DMRT1: variants seen among roughly 807,000 people sequenced by gnomAD.
DMRT1 encodes the protein doublesex- and mab-3-related transcription factor 1.
In DMRT1, 7 loss-of-function variants were observed where a neutral mutation model predicts 32.3. The observed-to-expected ratio is 0.22, with a 90% confidence interval of 0.12 to 0.41. DMRT1 has a LOEUF of 0.41. Among genes scored for constraint, DMRT1 ranks in the 10% least tolerant of loss-of-function variants. DMRT1 has a pLI of 1.00. For synonymous variants in DMRT1, 278 were observed against 206.1 expected, an observed-to-expected ratio of 1.35 and a Z score of -2.99; for missense variants, 625 against 500.5, an observed-to-expected ratio of 1.25 and a Z score of -2.37.
At chr9:871,003 C>G (rs1310945224) in intron 2 of DMRT1, among the ~76,000 whole-genome samples, 1 of 151,696 alleles carries the variant, frequency 6.6e-6, no homozygotes, top group Non-Finnish European at 1.5e-5. Context: ...CCATTGTGCC[C>G]ATACATTCAA....
At chr9:932,918 C>CT (rs796689473) in intron 4 of DMRT1, among the ~76,000 whole-genome samples, 2,278 of 145,124 alleles carry the variant, frequency 0.016, 55 homozygotes, top group African/African-American at 0.053. Flanking sequence ...TCCAAGCTTT[C>CT]TTTTTTTTTT....
chr9:912,976 C>A (rs1818041416), intron 3 of DMRT1, among the ~76,000 whole-genome samples: 1 of 152,102 alleles, frequency 6.6e-6, no homozygotes, highest in Non-Finnish European at 1.5e-5. Flanking sequence ...TGGAACACAG[C>A]CATGCCCATT....
intron 3 of DMRT1, among the ~76,000 whole-genome samples, chr9:902,793 G>C (rs10739177): frequency 0.88 from 133,599 of 152,032 alleles, 59,076 homozygotes; most frequent in African/African-American, 0.97. Context: ...CCAGCTTTCC[G>C]CTCCTTTTTA....
chr9:844,314 G>A (rs990793043), intron 1 of DMRT1, among the ~76,000 whole-genome samples: 2 of 152,054 alleles, frequency 1.3e-5, no homozygotes, highest in African/African-American at 2.4e-5. Context: ...TTGATCTTAC[G>A]TATGATTCTA....
At chr9:866,194 G>C (rs80294942) in intron 2 of DMRT1, among the ~76,000 whole-genome samples, 1 of 141,648 alleles carries the variant, frequency 7.1e-6, no homozygotes, top group African/African-American at 2.6e-5. Context: ...AAAGACAGTG[G>C]TGGGTGTTTT....
At chr9:964,412 C>T (rs1004073620) in intron 4 of DMRT1, among the ~76,000 whole-genome samples, 2 of 152,020 alleles carry the variant, frequency 1.3e-5, no homozygotes, top group African/African-American at 4.8e-5. Context: ...AAAACAGATA[C>T]TAGATTTGCT....
intron 4 of DMRT1, among the ~76,000 whole-genome samples, chr9:927,307 T>G (rs1818559359): frequency 6.6e-6 from 1 of 152,238 alleles, no homozygotes; most frequent in African/African-American, 2.4e-5. Flanking sequence ...TCATGCATCT[T>G]TCACCATTCA....
At chr9:894,794 T>TG (rs1394977963) in intron 3 of DMRT1, 2 of 158,906 alleles carry the variant, frequency 1.3e-5, no homozygotes, top group East Asian at 1.8e-4. Context: ...CAAGTTTGTT[T>TG]TTTTTTTTGT....
chr9:956,619 A>G (rs998565192), intron 4 of DMRT1, among the ~76,000 whole-genome samples: 7 of 152,176 alleles, frequency 4.6e-5, no homozygotes, highest in Admixed American at 4.6e-4. Flanking sequence ...CATACAGACA[A>G]TTTTTAAATG....
chr9:954,828 G>C (rs576156007), intron 4 of DMRT1, among the ~76,000 whole-genome samples: 1 of 152,140 alleles, frequency 6.6e-6, no homozygotes, highest in African/African-American at 2.4e-5. Context: ...TTTTAGTAGA[G>C]ACAGGGTTTC....
At chr9:936,594 A>T (rs1458624012) in intron 4 of DMRT1, among the ~76,000 whole-genome samples, 3 of 152,146 alleles carry the variant, frequency 2.0e-5, no homozygotes, top group Non-Finnish European at 4.4e-5. Context: ...TCTACTAAAA[A>T]TACAAAGAAT....
chr9:880,739 A>AAG (rs1816700011), intron 2 of DMRT1, among the ~76,000 whole-genome samples: 1 of 149,110 alleles, frequency 6.7e-6, no homozygotes, highest in African/African-American at 2.5e-5. Flanking sequence ...AAAAAAAAAA[A>AAG]AAAAGAAAAG....
intron 4 of DMRT1, among the ~76,000 whole-genome samples, chr9:934,608 T>C (rs1195221662): frequency 6.6e-6 from 1 of 152,246 alleles, no homozygotes; most frequent in Non-Finnish European, 1.5e-5. Flanking sequence ...AAGCATTTTA[T>C]AGTTTTTTAG....
At chr9:852,001 G>A (rs971008440) in intron 2 of DMRT1, among the ~76,000 whole-genome samples, 3 of 150,152 alleles carry the variant, frequency 2.0e-5, no homozygotes, top group Non-Finnish European at 4.4e-5. Context: ...GTGCTGTGGC[G>A]CGATCCCAGC....
At chr9:888,781 G>A (rs1817030657) in intron 2 of DMRT1, among the ~76,000 whole-genome samples, 1 of 143,628 alleles carries the variant, frequency 7.0e-6, no homozygotes, top group South Asian at 2.2e-4. Flanking sequence ...GTGTGGAGCA[G>A]TTGCTTTGAA....
At chr9:885,197 C>G (rs1029127391) in intron 2 of DMRT1, among the ~76,000 whole-genome samples, 2 of 152,098 alleles carry the variant, frequency 1.3e-5, no homozygotes, top group Non-Finnish European at 2.9e-5. Flanking sequence ...AGCTGAAGCC[C>G]CAGTGGGTGT....
intron 3 of DMRT1, among the ~76,000 whole-genome samples, chr9:905,813 G>A (rs1012478018): frequency 2.0e-5 from 3 of 152,122 alleles, no homozygotes; most frequent in African/African-American, 7.2e-5. Flanking sequence ...AGGAAACTGG[G>A]GCTCAGGGAG....
At chr9:876,629 C>G (rs1181048983) in intron 2 of DMRT1, among the ~76,000 whole-genome samples, 3 of 151,796 alleles carry the variant, frequency 2.0e-5, no homozygotes, top group Non-Finnish European at 4.4e-5. Flanking sequence ...CTCCTGAGCT[C>G]AAGTGATCCT....
Position 945,951 on chromosome 9 carries a change from T to C in DMRT1, c.968-22034T>C, listed in dbSNP as rs535832573. ...TTAACATAAGGGGTGTTGTAGTCAATGTATTGTTCCTCAGCACTTTCCTTT... is the reference window on the plus strand; with the variant it reads ...TTAACATAAGGGGTGTTGTAGTCAACGTATTGTTCCTCAGCACTTTCCTTT... On this transcript the variant is annotated intron_variant, in intron 4 of 4. Coordinates refer to ENST00000382276, the MANE Select transcript of DMRT1 (RefSeq NM_021951.3). 3.9e-5 allele frequency among the ~76,000 whole-genome samples: 6 copies of C among 152,274 alleles called. No individual in the cohort carries two copies. In the East Asian group the frequency reaches 1.2e-3, roughly 29 times the overall value.
Sources: allele counts gnomAD v4.1 joint callset (sites outside exome capture counted in the v4.1 genomes callset), GRCh38; gene constraint gnomAD v4.1.1; transcripts MANE v1.5; gene names NCBI Gene and HGNC (gene_info 2026-07-23, HGNC 2026-07-21).